Variants in ENTHD1 observed in about 807,000 individuals in gnomAD.
ENTHD1 encodes ENTH domain containing 1.
In ENTHD1, 23 loss-of-function variants were observed where a neutral mutation model predicts 39.1. That is an observed-to-expected ratio of 0.59 (90% CI 0.42 to 0.83). The LOEUF (loss-of-function observed/expected upper bound fraction) is 0.83. Ranked by LOEUF, ENTHD1 falls within the 40% of genes least tolerant of loss-of-function variation. The probability of loss-of-function intolerance (pLI) is 0.00; values close to 1 mark genes in which losing one functional copy is unlikely to be tolerated. For missense variants in ENTHD1, 624 were observed against 705.4 expected (o/e 0.88, Z 1.31); for synonymous variants, 230 against 258.2 (o/e 0.89, Z 1.05).
intron 5 of ENTHD1, among the ~76,000 whole-genome samples, chr22:39,780,278 G>A (rs533680518): frequency 2.4e-4 from 37 of 151,990 alleles, no homozygotes; most frequent in African/African-American, 8.9e-4. Flanking sequence ...CCAGGAGGCC[G>A]AGCCAGGAGA....
rs748406353 is a variant in ENTHD1 at position 39,887,516 on chromosome 22, A to G, written c.233T>C (p.Met78Thr). 6.2e-7 allele frequency: 1 copy of G among 1,613,992 alleles called. No homozygotes were observed. Residue 78 changes from methionine to threonine, a missense_variant, in exon 2 of 7, where the codon ATG becomes ACG. Met to Thr is a moderately conservative substitution (Grantham distance 81, BLOSUM62 -1). Coordinates refer to ENST00000325157, the MANE Select transcript of ENTHD1 (RefSeq NM_152512.4). The part of the protein sequence containing the change: ...WRHVYKSLTL[M>T]DYLIKNGSKK... ...TGATCCATTCTTGATGAGATAATCC[A>G]TTAGGGTAAGGGATTTATACACGTG...
chr22:39,804,840 C>T (rs1313148888), intron 5 of ENTHD1, among the ~76,000 whole-genome samples: 2 of 152,150 alleles, frequency 1.3e-5, no homozygotes, highest in East Asian at 1.9e-4. Flanking sequence ...AAACTAGACT[C>T]GTATGTAACA....
chr22:39,861,665 A>C, intron 3 of ENTHD1, 100 bp downstream of exon 3: 1 of 1,024,090 alleles, frequency 9.8e-7, no homozygotes, highest in Non-Finnish European at 1.3e-6. Context: ...AGTAATACTA[A>C]ATAATATTAA....
intron 5 of ENTHD1, among the ~76,000 whole-genome samples, chr22:39,767,296 A>AT (rs1342085506): frequency 2.0e-5 from 3 of 152,204 alleles, no homozygotes; most frequent in Non-Finnish European, 2.9e-5. Context: ...CCTAATTTGC[A>AT]TATGACTGAA....
chr22:39,762,156 G>T (rs1313371744), intron 6 of ENTHD1, among the ~76,000 whole-genome samples: 4 of 152,114 alleles, frequency 2.6e-5, no homozygotes, highest in Admixed American at 2.6e-4. Flanking sequence ...CTTCCAGTAG[G>T]ATTTTCTTTT....
chr22:39,812,465 T>C (rs2065696413), intron 5 of ENTHD1, among the ~76,000 whole-genome samples: 1 of 152,220 alleles, frequency 6.6e-6, no homozygotes, highest in Admixed American at 6.5e-5. Context: ...TGTGAAGATA[T>C]TTATTTCACT....
chr22:39,861,159 G>A (rs1458388130), intron 3 of ENTHD1, among the ~76,000 whole-genome samples: 1 of 152,144 alleles, frequency 6.6e-6, no homozygotes, highest in Non-Finnish European at 1.5e-5. Context: ...ATTGAATCAC[G>A]ATGCCAAATA....
chr22:39,815,270 T>A (rs1345164408), intron 5 of ENTHD1, among the ~76,000 whole-genome samples: 1 of 152,024 alleles, frequency 6.6e-6, no homozygotes, highest in African/African-American at 2.4e-5. Context: ...TGGTGAAACC[T>A]CGTTTCTATT....
intron 6 of ENTHD1, among the ~76,000 whole-genome samples, chr22:39,759,382 G>A (rs1215508549): frequency 1.3e-5 from 2 of 151,956 alleles, no homozygotes; most frequent in African/African-American, 4.8e-5. Flanking sequence ...TTCAACTAAG[G>A]CATCAAATCT....
intron 2 of ENTHD1, chr22:39,876,108 T>G: frequency 6.2e-7 from 1 of 1,601,410 alleles, no homozygotes. Context: ...ATGGTGATTG[T>G]TGGTTAGAGA....
intron 2 of ENTHD1, chr22:39,875,452 G>A: frequency 1.3e-6 from 2 of 1,526,712 alleles, no homozygotes; most frequent in East Asian, 2.3e-5. Context: ...GCCGGGAGTC[G>A]CTGAGCGGCC....
chr22:39,886,680 AGAGAGGAAGCACT>A (rs1601671363), intron 2 of ENTHD1, among the ~76,000 whole-genome samples: 1 of 152,318 alleles, frequency 6.6e-6, no homozygotes, highest in East Asian at 1.9e-4. Context: ...TACAGTAGCT[AGAGAGGAAGCACT>A]GAGCCTTTTG....
At chr22:39,835,053 A>G (rs1383159967) in intron 4 of ENTHD1, among the ~76,000 whole-genome samples, 1 of 152,170 alleles carries the variant, frequency 6.6e-6, no homozygotes, top group Non-Finnish European at 1.5e-5. Context: ...ACACGTATCT[A>G]TACATGGGAT....
chr22:39,847,846 T>G (rs1352771624), intron 3 of ENTHD1, among the ~76,000 whole-genome samples: 1 of 152,244 alleles, frequency 6.6e-6, no homozygotes, highest in Admixed American at 6.5e-5. Context: ...TATAACAAAT[T>G]ACCACAAACT....
chr22:39,823,729 A>C (rs187586064), intron 4 of ENTHD1, among the ~76,000 whole-genome samples: 1 of 152,290 alleles, frequency 6.6e-6, no homozygotes, highest in Non-Finnish European at 1.5e-5. Context: ...GATTTATTAA[A>C]AACTACCAAA....
At chr22:39,784,764 A>T (rs1206397398) in intron 5 of ENTHD1, among the ~76,000 whole-genome samples, 5 of 152,156 alleles carry the variant, frequency 3.3e-5, no homozygotes, top group Admixed American at 2.6e-4. Flanking sequence ...AGTGGAAGTT[A>T]CCAGGGGCTG....
intron 5 of ENTHD1, among the ~76,000 whole-genome samples, chr22:39,786,635 A>G (rs1336595412): frequency 1.3e-5 from 2 of 151,926 alleles, no homozygotes; most frequent in Non-Finnish European, 2.9e-5. Flanking sequence ...TGTACAATAG[A>G]TCTCCAGGAC....
intron 6 of ENTHD1, among the ~76,000 whole-genome samples, chr22:39,760,714 C>A (rs1216722064): frequency 6.6e-6 from 1 of 151,894 alleles, no homozygotes; most frequent in Non-Finnish European, 1.5e-5. Flanking sequence ...TTGTGTTGAT[C>A]GAATATATTT....
At position 39,881,097 on chromosome 22, in the gene ENTHD1, C is replaced by T. The variant is rs191518277; in HGVS notation, c.349+6303G>A. Among the ~76,000 whole-genome samples, 36 of 152,290 alleles carry T rather than the reference C, an allele frequency of 2.4e-4. No individual in the cohort carries two copies. The East Asian group carries it at 6.9e-3, about 29-fold the overall frequency. Reference sequence around the variant, plus strand: ...TGAGAATGCCACTTGTTACAAAGTGCAGTAAACATGCTTGCTAATAAAAGA... The same window carrying T: ...TGAGAATGCCACTTGTTACAAAGTGTAGTAAACATGCTTGCTAATAAAAGA... On this transcript the variant is annotated intron_variant, in intron 2 of 6. Transcript: ENST00000325157.
Sources: allele counts gnomAD v4.1 joint callset (sites outside exome capture counted in the v4.1 genomes callset), GRCh38; gene constraint gnomAD v4.1.1; transcripts MANE v1.5; gene names NCBI Gene and HGNC (gene_info 2026-07-23, HGNC 2026-07-21).